Variants in FMNL1 observed in about 807,000 individuals in gnomAD.
FMNL1 encodes the protein formin like 1, also known as formin-like protein 1.
In FMNL1, 43 loss-of-function variants were observed where a neutral mutation model predicts 121.3. That is an observed-to-expected ratio of 0.35 (90% CI 0.28 to 0.46). The LOEUF (loss-of-function observed/expected upper bound fraction) is 0.46. Among genes scored for constraint, FMNL1 ranks in the 20% least tolerant of loss-of-function variants. The pLI, the probability that FMNL1 is intolerant of heterozygous loss-of-function variation, is 1.00. For synonymous variants in FMNL1, 613 were observed against 613.5 expected (o/e 1.00, Z 0.01); for missense variants, 1,191 against 1,482.4 (o/e 0.80, Z 3.23).
chr17:45,243,011 C>T, intron 16 of FMNL1, 107 bp from the exon 17 acceptor site: 1 of 1,215,024 alleles, frequency 8.2e-7, no homozygotes. Context: ...TGGTTCTCTG[C>T]TGGTGGCCTG....
rs145147428 is a variant in FMNL1, at chr17:45,242,469, A to C, written c.2010+4A>C. 697 of 1,612,934 alleles carry C rather than the reference A, an allele frequency of 4.3e-4. 3 individuals are homozygous for C. The African/African-American group carries it at 8.0e-3, about 19-fold the overall frequency. Reference sequence around the variant, plus strand: ...CAATGATGAGAAGGTGCTGCAGGTGAGTGGCCCTGCCTGGCTCCCCATGTG... The same window carrying C: ...CAATGATGAGAAGGTGCTGCAGGTGCGTGGCCCTGCCTGGCTCCCCATGTG... On this transcript the variant is annotated splice_donor_region_variant and intron_variant, in intron 16 of 26. Coordinates refer to ENST00000331495, the MANE Select transcript of FMNL1 (RefSeq NM_005892.4).
At chr17:45,229,124 A>G (rs1271196350) in intron 1 of FMNL1, among the ~76,000 whole-genome samples, 1 of 152,128 alleles carries the variant, frequency 6.6e-6, no homozygotes, top group East Asian at 1.9e-4. Flanking sequence ...GGCTGATGAG[A>G]CAGCGGTGGT....
rs2043485401 is a variant in FMNL1 at position 45,233,564 on chromosome 17, AG to A, written c.402-80del. 6.6e-7 allele frequency: 1 copy of A among 1,522,850 alleles called. No homozygotes were observed. The highest frequency in any genetic ancestry group is 1.1e-5 in the South Asian group (1 of 87,538). The allele number at this position is 1,522,850 out of a possible 1,614,324, so 94.3% of individuals were successfully genotyped here. A position where few individuals can be genotyped will look rare whatever the true frequency, so the allele number is the denominator to read the frequency against. ...TCTTTGGGGGTTGAAAGGGCACCCC[AG>A]GGGTCCTTGCTGTCCCTGTTCTGTG... On this transcript the variant is annotated intron_variant, in intron 4 of 26. Transcript: ENST00000331495. The surrounding 1 kb of genome is among the most constrained non-coding windows in gnomAD (Gnocchi z 4.1).
In FMNL1 at chr17:45,245,077, C is replaced by T. The variant is rs772190167; in HGVS notation, c.2697C>T (p.Ser899=). The T allele has an allele frequency of 3.8e-5, 61 of 1,614,032 alleles. 1 individual carries two copies. Among genetic ancestry groups the T allele is most frequent in the South Asian group, 2.7e-4 (25 of 91,092 alleles). The change falls in exon 21 of 27, where the codon AGC becomes AGT. Residue 899 remains serine (S), a synonymous_variant. Transcript: ENST00000331495. The part of the protein sequence containing the change: ...EKYPQLTGFH[S]DLHFLDKAGS... The stretch of plus-strand genomic sequence containing the variant: ...ACCCGCAACTCACAGGCTTCCACAG[C>T]GACCTGCACTTCCTGGACAAGGCGG...
chr17:45,225,286 G>A lies in FMNL1; in HGVS notation c.129+3033G>A, dbSNP rs2043306844. Among the ~76,000 whole-genome samples, 4 of 152,266 alleles carry A rather than the reference G, an allele frequency of 2.6e-5. No individual in the cohort carries two copies. In the South Asian group the frequency reaches 8.3e-4, roughly 32 times the overall value. On this transcript the variant is annotated intron_variant, in intron 1 of 26. Transcript: ENST00000331495. Reference sequence around the variant, plus strand: ...GGGCCTGGAGTCCTGCTTGCAGCTGGGGCCCTTCCCTTCTGGGGCTGGCAG... The same window carrying A: ...GGGCCTGGAGTCCTGCTTGCAGCTGAGGCCCTTCCCTTCTGGGGCTGGCAG...
Position 45,241,563 on chromosome 17 carries a change from C to G in FMNL1, c.1514C>G (p.Pro505Arg). 2.6e-6 allele frequency: 4 copies of G among 1,567,530 alleles called. No individual in the cohort carries two copies. Among genetic ancestry groups the G allele is most frequent in the Non-Finnish European group, 3.5e-6 (4 of 1,156,460 alleles). ...GATGCTGTCTCCATCGAGATCCTCC[C>G]CGTCGCTGTGGCAACTCCGAGCGGC... ...PGDAVSIEIL[P>R]VAVATPSGGD... Residue 505 changes from proline (P) to arginine (R), a missense_variant, in exon 14 of 27, where the codon CCC becomes CGC. Around this residue, in one of 4 missense-constraint regions of FMNL1, gnomAD observed 519 missense variants for 492.8 expected, o/e 1.05. Coordinates refer to ENST00000331495, the MANE Select transcript of FMNL1 (RefSeq NM_005892.4). The surrounding 1 kb of genome is among the most constrained non-coding windows in gnomAD (Gnocchi z 7.0).
intron 3 of FMNL1, chr17:45,232,905 AGG>A: frequency 1.8e-6 from 1 of 553,832 alleles, no homozygotes; most frequent in Non-Finnish European, 3.4e-6. Context: ...TTTAGAGTGC[AGG>A]TATATGGATG....
In FMNL1 at chr17:45,241,859, C is replaced by T; in HGVS notation, c.1598C>T (p.Ala533Val). Reference protein sequence around the residue: ...TGSPSPDLAPAAEPAPGAAPP... With the variant: ...TGSPSPDLAPVAEPAPGAAPP... ...CTCGCTGGCTCAGATCTCGCACCTG[C>T]AGCAGAGCCGGCTCCCGGAGCAGCG... The change falls in exon 15 of 27, where the codon GCA becomes GTA. Residue 533 changes from alanine to valine, a missense_variant. Physicochemically the swap from Ala to Val is moderately conservative, Grantham distance 64. This residue lies in a region of FMNL1 where 519 missense variants were observed against 492.8 expected (regional missense o/e 1.05). Transcript: ENST00000331495. The surrounding 1 kb of genome is among the most constrained non-coding windows in gnomAD (Gnocchi z 7.0). 1 of 1,430,812 alleles carries T rather than the reference C, an allele frequency of 7.0e-7. No homozygotes were observed. The highest frequency in any genetic ancestry group is 9.1e-7 in the Non-Finnish European group (1 of 1,101,772). 88.6% of individuals were successfully genotyped at this position (1,430,812 alleles called of 1,614,324 possible).
At position 45,245,946 on chromosome 17, in the gene FMNL1, G is replaced by T; in HGVS notation, c.3063G>T (p.Pro1021=). 1 of 1,580,718 alleles carries T rather than the reference G, an allele frequency of 6.3e-7. No individual in the cohort carries two copies. The highest frequency in any genetic ancestry group is 1.1e-5 in the South Asian group (1 of 87,318). Residue 1021 remains proline, a synonymous_variant, in exon 24 of 27, where the codon CCG becomes CCT. Coordinates refer to ENST00000331495, the MANE Select transcript of FMNL1 (RefSeq NM_005892.4). ...CCCAGGAGGCAGGCGCTGATACCCC[G>T]GGCAAAGGGGAGCCCCCAGCACCCA... is the stretch of plus-strand genomic sequence containing the variant. ...AAAQEAGADT[P]GKGEPPAPKS...
At chr17:45,235,464 G>A (rs1989230) in intron 6 of FMNL1, among the ~76,000 whole-genome samples, 30,861 of 152,196 alleles carry the variant, frequency 0.2, 3,888 homozygotes, top group African/African-American at 0.35. Flanking sequence ...AAAGGGTGAT[G>A]TGGCAGGAGG....
chr17:45,227,435 G>A (rs2043351730), intron 1 of FMNL1, among the ~76,000 whole-genome samples: 1 of 152,112 alleles, frequency 6.6e-6, no homozygotes, highest in African/African-American at 2.4e-5. Context: ...GGCAGGGAGG[G>A]AGGAGAATGG....
chr17:45,244,330 C>A (rs914534725), intron 19 of FMNL1, 86 bp downstream of exon 19: 1 of 1,431,010 alleles, frequency 7.0e-7, no homozygotes. Context: ...TGCAATGCAA[C>A]AAAGATAACA....
chr17:45,246,073 C>T (rs774333764), intron 24 of FMNL1, 100 bp downstream of exon 24: 4 of 1,523,922 alleles, frequency 2.6e-6, no homozygotes, highest in Middle Eastern at 2.1e-4. Flanking sequence ...ACAGACTGAC[C>T]CTGCCCCAGG....
Position 45,241,819 on chromosome 17 carries a change from C to A in FMNL1, c.1586-28C>A, listed in dbSNP as rs1407067054. On this transcript the variant is annotated intron_variant, in intron 14 of 26. Transcript: ENST00000331495. The surrounding 1 kb of genome is among the most constrained non-coding windows in gnomAD (Gnocchi z 7.0). ...CAAGTCAAGGAGCTGACTCGCGCCT[C>A]CCCCACGCCGCGCCCTCGCTGGCTC... The A allele has an allele frequency of 7.1e-7, 1 of 1,411,106 alleles. No homozygotes were observed. Among genetic ancestry groups the A allele is most frequent in the East Asian group, 2.8e-5 (1 of 36,016 alleles). 87.4% of individuals were successfully genotyped at this position (1,411,106 alleles called of 1,614,324 possible).
intron 1 of FMNL1, among the ~76,000 whole-genome samples, chr17:45,223,653 G>C (rs568868317): frequency 1.9e-4 from 29 of 152,280 alleles, no homozygotes; most frequent in Non-Finnish European, 3.7e-4. Context: ...CTGAGCAGAT[G>C]GGGGAGGGGG....
At chr17:45,239,210 C>T (rs1230685320) in intron 11 of FMNL1, 145 bp downstream of exon 11, 1 of 642,940 alleles carries the variant, frequency 1.6e-6, no homozygotes, top group East Asian at 2.7e-5. Flanking sequence ...TTGGATAGGC[C>T]TCTTCCTCTC....
chr17:45,235,067 T>C lies in FMNL1; in HGVS notation c.614+867T>C, dbSNP rs73303246. On this transcript the variant is annotated intron_variant, in intron 6 of 26. Coordinates refer to ENST00000331495, the MANE Select transcript of FMNL1 (RefSeq NM_005892.4). Reference sequence around the variant, plus strand: ...AGCTTCCTGCTTTGGGTCTAGAGGATTGATTGCATATTAAGCCTCAAACTT... The same window carrying C: ...AGCTTCCTGCTTTGGGTCTAGAGGACTGATTGCATATTAAGCCTCAAACTT... Among the ~76,000 whole-genome samples the C allele has an allele frequency of 7.4e-3, 1,133 of 152,358 alleles. 13 individuals are homozygous for C. Among genetic ancestry groups the C allele is most frequent in the African/African-American group, 0.026 (1,096 of 41,570 alleles).
intron 1 of FMNL1, among the ~76,000 whole-genome samples, chr17:45,223,276 C>T (rs1209571570): frequency 6.6e-6 from 1 of 152,224 alleles, no homozygotes; most frequent in Non-Finnish European, 1.5e-5. Context: ...GGTGGGGGCT[C>T]AACGGAGACA....
Position 45,231,884 on chromosome 17 carries a change from C to G in FMNL1, c.214-483C>G, listed in dbSNP as rs2043445703. 6.6e-6 allele frequency among the ~76,000 whole-genome samples: 1 copy of G among 152,204 alleles called. No homozygotes were observed. Among genetic ancestry groups the G allele is most frequent in the Non-Finnish European group, 1.5e-5 (1 of 68,028 alleles). ...CACCACCTGCTGGCTAGACTGAGTT[C>G]CTTCCCACCCCAGGGCGGGGCCTAC... On this transcript the variant is annotated intron_variant, in intron 2 of 26. Transcript: ENST00000331495. This position sits in a 1 kb window ranked among gnomAD's most constrained non-coding sequence, Gnocchi z 4.7.
Sources: gnomAD v4.1 joint callset for allele counts (sites outside exome capture counted in the v4.1 genomes callset) on GRCh38, gnomAD v4.1.1 for gene constraint, gnomAD v4.1.1 regional missense constraint, Gnocchi (gnomAD v3.1) non-coding constraint, MANE v1.5 for transcripts, NCBI Gene and HGNC (gene_info 2026-07-23, HGNC 2026-07-21) for gene names.